SMARCA5: variants seen among roughly 807,000 people sequenced by gnomAD.
The protein encoded by SMARCA5 is SNF2 related chromatin remodeling ATPase 5.
SMARCA5 carries 18 observed loss-of-function variants against 140.4 expected under a neutral mutation model. The ratio of observed to expected loss-of-function variants is 0.13; its 90% CI spans 0.09 to 0.19. The LOEUF (loss-of-function observed/expected upper bound fraction) is 0.19. SMARCA5 is among the 10% of genes least tolerant of loss of function. The probability of loss-of-function intolerance (pLI) is 1.00; values close to 1 mark genes in which losing one functional copy is unlikely to be tolerated. For synonymous variants in SMARCA5, 449 were observed against 419.6 expected (o/e 1.07, Z -0.86); for missense variants, 606 against 1,276.8 (o/e 0.47, Z 8.01).
In SMARCA5 at chr4:143,516,642, C is replaced by T. The variant is rs1305531456; in HGVS notation, c.178-713C>T. On this transcript the variant is annotated intron_variant, in intron 1 of 23. Transcript: ENST00000283131. ...TTCCAGTACCGTACCAGATCTCCTC[C>T]CCACAACTTTTTGGTCACAGATAGT... is the stretch of plus-strand genomic sequence containing the variant. Among the ~76,000 whole-genome samples, 3 of 152,082 alleles carry T rather than the reference C, an allele frequency of 2.0e-5. No individual in the cohort carries two copies. The East Asian group carries it at 5.8e-4, about 29-fold the overall frequency.
Position 143,518,652 on chromosome 4 carries a change from A to G in SMARCA5, c.252+1223A>G, listed in dbSNP as rs116817726. On this transcript the variant is annotated intron_variant, in intron 2 of 23. Transcript: ENST00000283131. Reference sequence around the variant, plus strand: ...GGTATGTATTTTATGTGCATGTATAATATGCACAATACATATAACACTATG... The same window carrying G: ...GGTATGTATTTTATGTGCATGTATAGTATGCACAATACATATAACACTATG... Among the ~76,000 whole-genome samples the G allele has an allele frequency of 3.1e-3, 471 of 152,260 alleles. 4 individuals are homozygous for G. The highest frequency in any genetic ancestry group is 0.011 in the African/African-American group (458 of 41,566).
rs1323148757 is a variant in SMARCA5, at chr4:143,553,297, T to C, written c.*113T>C. On this transcript the variant is annotated 3_prime_UTR_variant, in exon 24 of 24. Transcript: ENST00000283131. ...TGTTATGTCATTTAAAGACATCAGG[T>C]TCATCTGTTTACTGAGCTAGAAACA... The C allele has an allele frequency of 1.4e-6, 1 of 732,658 alleles. No homozygotes were observed. Among genetic ancestry groups the C allele is most frequent in the Non-Finnish European group, 2.4e-6 (1 of 418,120 alleles). The allele number at this position is 732,658 out of a possible 1,614,324, so 45.4% of individuals were successfully genotyped here. A position where few individuals can be genotyped will look rare whatever the true frequency, so the allele number is the denominator to read the frequency against.
At chr4:143,522,669 A>G (rs937639929) in intron 3 of SMARCA5, among the ~76,000 whole-genome samples, 4 of 152,176 alleles carry the variant, frequency 2.6e-5, no homozygotes, top group Non-Finnish European at 5.9e-5. Flanking sequence ...CTTCAGCTGT[A>G]TTTAAAATAT....
rs1391191 is a variant in SMARCA5, at chr4:143,553,513, A to C, written c.*329A>C. 106,351 of 196,310 alleles carry C rather than the reference A, an allele frequency of 0.54. 29,220 individuals carry two copies. The highest frequency in any genetic ancestry group is 0.6 in the Middle Eastern group (286 of 474). The allele number at this position is 196,310 out of a possible 1,614,324, so 12.2% of individuals were successfully genotyped here. A position where few individuals can be genotyped will look rare whatever the true frequency, so the allele number is the denominator to read the frequency against. On this transcript the variant is annotated 3_prime_UTR_variant, in exon 24 of 24. Coordinates refer to ENST00000283131, the MANE Select transcript of SMARCA5 (RefSeq NM_003601.4). ...ATAATTTCTACACTTGTAAGGCTTA[A>C]AAACAAGTTAAAAAGAAAATTGCAA...
In SMARCA5 at chr4:143,547,484, A is replaced by G. The variant is rs1481121279; in HGVS notation, c.2753A>G (p.Lys918Arg). 6.3e-7 allele frequency: 1 copy of G among 1,589,940 alleles called. No individual in the cohort carries two copies. The highest frequency in any genetic ancestry group is 8.6e-7 in the Non-Finnish European group (1 of 1,158,498). ...EARIQRRISI[K>R]KALDTKIGRY... ...AGAATTCAAAGAAGAATAAGCATCAAGAAAGCACTTGACACAAAGGTAATT... is the reference window on the plus strand; with the variant it reads ...AGAATTCAAAGAAGAATAAGCATCAGGAAAGCACTTGACACAAAGGTAATT... The change falls in exon 21 of 24, where the codon AAG becomes AGG. Residue 918 changes from lysine to arginine, a missense_variant. Physicochemically the swap from Lys to Arg is conservative, Grantham distance 26. This residue lies in a region of SMARCA5 where 121 missense variants were observed against 227.1 expected (regional missense o/e 0.53). Transcript: ENST00000283131.
chr4:143,545,937 C>T lies in SMARCA5; in HGVS notation c.2410C>T (p.Pro804Ser). Residue 804 changes from proline (P) to serine (S), a missense_variant, in exon 19 of 24, where the codon CCT (proline) becomes TCT (serine). This residue lies in a region of SMARCA5 where 121 missense variants were observed against 227.1 expected (regional missense o/e 0.53). Transcript: ENST00000283131. ...AAATATCTTTTAGGTACCTCGAAAT[C>T]CTGAGCTGCCTAATGCAGCACAGGC... Reference protein sequence around the residue: ...KTIGYKVPRNPELPNAAQAQK... With the variant: ...KTIGYKVPRNSELPNAAQAQK... 3 of 1,603,074 alleles carry T rather than the reference C, an allele frequency of 1.9e-6. No individual in the cohort carries two copies. Among genetic ancestry groups the T allele is most frequent in the African/African-American group, 1.3e-5 (1 of 74,138 alleles).
chr4:143,544,913 C>G, intron 17 of SMARCA5, 66 bp downstream of exon 17: 1 of 743,112 alleles, frequency 1.3e-6, no homozygotes, highest in East Asian at 2.8e-5. Flanking sequence ...TTCATATATT[C>G]TTGCAAAAAG....
At chr4:143,536,262 A>G (rs1398971985) in intron 10 of SMARCA5, among the ~76,000 whole-genome samples, 190 bp from the exon 11 acceptor site, 2 of 152,138 alleles carry the variant, frequency 1.3e-5, no homozygotes, top group Non-Finnish European at 2.9e-5. Flanking sequence ...TTATAATGCT[A>G]TGGACAGTAA....
intron 6 of SMARCA5, 106 bp from the exon 7 acceptor site, chr4:143,527,762 C>G (rs899674740): frequency 8.3e-6 from 8 of 958,296 alleles, no homozygotes; most frequent in Non-Finnish European, 1.1e-5. Flanking sequence ...TACTCTACTC[C>G]TTTTTAGTAT....
chr4:143,531,605 GT>G (rs1374187360), intron 9 of SMARCA5, among the ~76,000 whole-genome samples: 1 of 152,148 alleles, frequency 6.6e-6, no homozygotes, highest in African/African-American at 2.4e-5. Flanking sequence ...CATTCCTCCA[GT>G]TGTGACAACC....
At chr4:143,522,233 A>G (rs1736978075) in intron 3 of SMARCA5, among the ~76,000 whole-genome samples, 1 of 152,216 alleles carries the variant, frequency 6.6e-6, no homozygotes, top group Non-Finnish European at 1.5e-5. Context: ...AGTTGTTTTT[A>G]TATAAATTGA....
chr4:143,541,245 CTT>C (rs1737419844), intron 14 of SMARCA5, among the ~76,000 whole-genome samples: 1 of 152,116 alleles, frequency 6.6e-6, no homozygotes, highest in Non-Finnish European at 1.5e-5. Flanking sequence ...GGGTGGGAAA[CTT>C]AATAATTTCA....
intron 2 of SMARCA5, 22 bp from the exon 3 acceptor site, chr4:143,521,407 A>T (rs1190783245): frequency 1.3e-6 from 2 of 1,561,288 alleles, no homozygotes; most frequent in Non-Finnish European, 8.8e-7. Flanking sequence ...GATAAAATGT[A>T]TCTTAAATTT....
chr4:143,548,547 A>G (rs1399023437), intron 22 of SMARCA5, among the ~76,000 whole-genome samples: 1 of 152,092 alleles, frequency 6.6e-6, no homozygotes, highest in East Asian at 1.9e-4. Context: ...ATGGCTTATT[A>G]TAGTGAAACA....
At chr4:143,544,500 C>G in intron 16 of SMARCA5, 1 of 314,848 alleles carries the variant, frequency 3.2e-6, no homozygotes, top group Non-Finnish European at 5.8e-6. Context: ...GCATTTCTCC[C>G]TCATTTAACA....
intron 4 of SMARCA5, among the ~76,000 whole-genome samples, chr4:143,524,950 T>C (rs1737036895): frequency 1.3e-5 from 2 of 152,070 alleles, no homozygotes; most frequent in South Asian, 4.1e-4. Flanking sequence ...TATTTGGTAA[T>C]TATTCTGGGG....
chr4:143,527,293 C>T (rs1318403750), intron 6 of SMARCA5, among the ~76,000 whole-genome samples: 1 of 152,090 alleles, frequency 6.6e-6, no homozygotes, highest in Admixed American at 6.5e-5. Context: ...ATTTCCTCTT[C>T]ATTTACCTGT....
Position 143,554,204 on chromosome 4 carries a change from C to G in SMARCA5, c.*1020C>G, listed in dbSNP as rs1737704532. ...ACTGGAGACCCTAAAGCAGGAATAC[C>G]CAAATTATAGTGTCAGGATTTTAGC... On this transcript the variant is annotated 3_prime_UTR_variant, in exon 24 of 24. Transcript: ENST00000283131. 1 of 151,882 alleles carries G rather than the reference C, an allele frequency of 6.6e-6. No homozygotes were observed. The highest frequency in any genetic ancestry group is 2.4e-5 in the African/African-American group (1 of 41,366). 9.4% of individuals were successfully genotyped at this position (151,882 alleles called of 1,614,324 possible). A position where few individuals can be genotyped will look rare whatever the true frequency, so the allele number is the denominator to read the frequency against.
chr4:143,539,923 G>T (rs1304204716), intron 13 of SMARCA5, among the ~76,000 whole-genome samples: 2 of 152,140 alleles, frequency 1.3e-5, no homozygotes. Context: ...TTTTAGGAAT[G>T]TAGTTAGCAA....
Sources: allele counts gnomAD v4.1 joint callset (sites outside exome capture counted in the v4.1 genomes callset), GRCh38; gene constraint gnomAD v4.1.1; regional missense constraint gnomAD v4.1.1; transcripts MANE v1.5; gene names NCBI Gene and HGNC (gene_info 2026-07-23, HGNC 2026-07-21).